RGS6: variants seen among roughly 807,000 people sequenced by gnomAD.
RGS6 encodes the protein regulator of G protein signaling 6, also known as regulator of G-protein signaling 6.
Under a neutral mutation model 78.5 loss-of-function variants are expected in RGS6, and 30 were observed. The observed-to-expected ratio is 0.38, with a 90% CI of 0.29 to 0.52. The LOEUF is 0.52. Ranked by LOEUF, RGS6 falls within the 20% of genes least tolerant of loss-of-function variation. RGS6 has a pLI of 0.85. For synonymous variants in RGS6, 206 were observed against 206.0 expected (o/e 1.00, Z 0.00); for missense variants, 495 against 609.7 (o/e 0.81, Z 1.98).
At chr14:72,368,263 A>G (rs754583475) in intron 3 of RGS6, among the ~76,000 whole-genome samples, 5 of 152,114 alleles carry the variant, frequency 3.3e-5, no homozygotes, top group South Asian at 2.1e-4. Context: ...CACTCCTTGG[A>G]TAGCTAACCC....
chr14:72,370,743 G>T (rs1411534028), intron 3 of RGS6, among the ~76,000 whole-genome samples: 1 of 152,154 alleles, frequency 6.6e-6, no homozygotes, highest in African/African-American at 2.4e-5. Flanking sequence ...CATCAATCAT[G>T]GTAACATGAT....
In RGS6 at chr14:72,490,716, G is replaced by A. The variant is rs567642060; in HGVS notation, c.855-4436G>A. ...GGGACCACTGCTGCTTCTACCCCAG[G>A]GGTCATGATAAACACCTGGGACAGC... On this transcript the variant is annotated intron_variant, in intron 12 of 17. Transcript: ENST00000553525. 2.6e-5 allele frequency among the ~76,000 whole-genome samples: 4 copies of A among 152,268 alleles called. No homozygotes were observed. In the South Asian group the frequency reaches 6.2e-4, roughly 24 times the overall value.
chr14:72,385,270 T>A (rs1460660862), intron 3 of RGS6, among the ~76,000 whole-genome samples: 1 of 152,218 alleles, frequency 6.6e-6, no homozygotes, highest in Non-Finnish European at 1.5e-5. Flanking sequence ...TCAATGTACT[T>A]TAAAATGTTT....
the RGS6 span, among the ~76,000 whole-genome samples, chr14:72,584,585 C>CA: frequency 1.3e-5 from 2 of 152,122 alleles, no homozygotes; most frequent in Non-Finnish European, 2.9e-5. Flanking sequence ...CAAGGTGAGA[C>CA]AGGTTGATGC....
Position 72,525,870 on chromosome 14 carries a change from G to A in RGS6, c.1278+7333G>A, listed in dbSNP as rs2097110483. On this transcript the variant is annotated intron_variant, in intron 15 of 17. Transcript: ENST00000553525. Reference sequence around the variant, plus strand: ...TGGGGGTTGCTCATTTTATCCTGTAGGTGGTTTTATTTTTGGGAGATGAAC... The same window carrying A: ...TGGGGGTTGCTCATTTTATCCTGTAAGTGGTTTTATTTTTGGGAGATGAAC... 2.0e-5 allele frequency among the ~76,000 whole-genome samples: 3 copies of A among 152,258 alleles called. No individual in the cohort carries two copies. The South Asian group carries it at 6.2e-4, about 32-fold the overall frequency.
chr14:72,225,544 G>A (rs2047923819), intron 2 of RGS6, among the ~76,000 whole-genome samples: 1 of 152,004 alleles, frequency 6.6e-6, no homozygotes, highest in Non-Finnish European at 1.5e-5. Context: ...GCCCAGGCTG[G>A]TCTTGAACTC....
chr14:71,978,371 C>T lies in RGS6; in HGVS notation c.84+13496C>T, dbSNP rs1179202224. On this transcript the variant is annotated intron_variant, in intron 2 of 17. Transcript: ENST00000553525. ...TCAAAGGGAATGCTGCCAGTTTTTGCCCATTCAGTATGATATTAGCTGTGG... is the reference window on the plus strand; with the variant it reads ...TCAAAGGGAATGCTGCCAGTTTTTGTCCATTCAGTATGATATTAGCTGTGG... 3.7e-5 allele frequency among the ~76,000 whole-genome samples: 4 copies of T among 108,496 alleles called. 1 individual carries two copies. The highest frequency in any genetic ancestry group is 3.4e-5 in the African/African-American group (1 of 29,076). The allele number at this position is 108,496 out of a possible 152,430, so 71.2% of individuals were successfully genotyped here. A position where few individuals can be genotyped will look rare whatever the true frequency, so the allele number is the denominator to read the frequency against.
chr14:72,364,245 C>T (rs1433102009), intron 3 of RGS6, among the ~76,000 whole-genome samples: 1 of 152,012 alleles, frequency 6.6e-6, no homozygotes, highest in African/African-American at 2.4e-5. Context: ...CCAGTCAAGC[C>T]CCAGGACAGA....
the RGS6 span, among the ~76,000 whole-genome samples, chr14:71,885,846 T>C: frequency 6.6e-6 from 1 of 150,994 alleles, no homozygotes; most frequent in Admixed American, 6.6e-5. Flanking sequence ...TTAATACTAG[T>C]GGAAAGCTGT....
chr14:72,055,436 CA>C, intron 2 of RGS6, among the ~76,000 whole-genome samples: 1 of 152,170 alleles, frequency 6.6e-6, no homozygotes, highest in Middle Eastern at 3.4e-3. Flanking sequence ...GGCTAGAAAA[CA>C]AAGTATCATG....
chr14:72,312,211 T>C (rs969009395), intron 2 of RGS6, among the ~76,000 whole-genome samples: 3 of 143,254 alleles, frequency 2.1e-5, no homozygotes, highest in African/African-American at 8.1e-5. Context: ...GTTGCTTACA[T>C]TGGCTGAGAA....
chr14:72,313,179 C>T (rs557619329), intron 2 of RGS6, among the ~76,000 whole-genome samples: 4 of 152,272 alleles, frequency 2.6e-5, no homozygotes, highest in Non-Finnish European at 4.4e-5. Context: ...GAGGAGTTAA[C>T]GAGTTGAAAT....
chr14:72,318,890 T>G (rs2071071300), intron 2 of RGS6, among the ~76,000 whole-genome samples: 1 of 152,216 alleles, frequency 6.6e-6, no homozygotes, highest in Non-Finnish European at 1.5e-5. Context: ...TACGGCAGCC[T>G]GTTGGCCGAG....
At chr14:72,360,086 CAG>C (rs767509753) in intron 3 of RGS6, among the ~76,000 whole-genome samples, 5 of 151,512 alleles carry the variant, frequency 3.3e-5, no homozygotes, top group Non-Finnish European at 5.9e-5. Flanking sequence ...AGAAATGACT[CAG>C]TGGGGGTGGG....
intron 16 of RGS6, among the ~76,000 whole-genome samples, chr14:72,537,338 T>A (rs2097264004): frequency 2.0e-5 from 3 of 152,160 alleles, no homozygotes; most frequent in Admixed American, 6.5e-5. Context: ...TGTGCCAGGA[T>A]CCTGTCTGCG....
chr14:72,058,653 T>C (rs901738838), intron 2 of RGS6, among the ~76,000 whole-genome samples: 1 of 152,208 alleles, frequency 6.6e-6, no homozygotes, highest in Admixed American at 6.5e-5. Context: ...TATGGACCTA[T>C]AGCTAGTGAA....
chr14:72,518,673 A>G, intron 15 of RGS6, 136 bp downstream of exon 15: 1 of 798,188 alleles, frequency 1.3e-6, no homozygotes, highest in Non-Finnish European at 1.9e-6. Flanking sequence ...ATCAGTGGAA[A>G]CCATTTCAGA....
At chr14:72,479,126 G>A (rs946724574) in intron 12 of RGS6, among the ~76,000 whole-genome samples, 6 of 152,132 alleles carry the variant, frequency 3.9e-5, no homozygotes, top group African/African-American at 1.4e-4. Context: ...AGTCTTTTAA[G>A]CCCAGCTCCT....
rs1394374266 is a variant in RGS6, at chr14:72,274,412, A to G, written c.85-77683A>G. ...TCAGTGACATGACTAGGGCAGCTCA[A>G]CCCGCACCTCTGGCATCACTGCCTT... On this transcript the variant is annotated intron_variant, in intron 2 of 17. Transcript: ENST00000553525. Among the ~76,000 whole-genome samples, 4 of 152,116 alleles carry G rather than the reference A, an allele frequency of 2.6e-5. No individual in the cohort carries two copies. The South Asian group carries it at 8.3e-4, about 32-fold the overall frequency.
Sources: gnomAD v4.1 joint callset for allele counts (sites outside exome capture counted in the v4.1 genomes callset) on GRCh38, gnomAD v4.1.1 for gene constraint, MANE v1.5 for transcripts, NCBI Gene and HGNC (gene_info 2026-07-23, HGNC 2026-07-21) for gene names.